Variants in ASCC3 observed in about 807,000 individuals in gnomAD.
ASCC3 encodes activating signal cointegrator 1 complex subunit 3.
In ASCC3, 158 loss-of-function variants were observed where a neutral mutation model predicts 256.3. The observed-to-expected ratio is 0.62, with a 90% confidence interval of 0.54 to 0.70. ASCC3 has a LOEUF of 0.70. ASCC3 is among the 30% of genes least tolerant of loss of function. The pLI, the probability that ASCC3 is intolerant of heterozygous loss-of-function variation, is 0.00. For synonymous variants in ASCC3, 948 were observed against 883.4 expected (o/e 1.07, Z -1.30); for missense variants, 2,259 against 2,626.0 (o/e 0.86, Z 3.05).
At chr6:100,599,428 A>G (rs919218973) in intron 34 of ASCC3, among the ~76,000 whole-genome samples, 13 of 152,190 alleles carry the variant, frequency 8.5e-5, no homozygotes, top group African/African-American at 2.9e-4. Context: ...AGAGTGAACT[A>G]GACAGGGCAA....
At chr6:100,815,075 GGATACAA>G (rs1167305161) in intron 4 of ASCC3, among the ~76,000 whole-genome samples, 1 of 151,812 alleles carries the variant, frequency 6.6e-6, no homozygotes, top group Non-Finnish European at 1.5e-5. Flanking sequence ...GAAAGTCTCA[GGATACAA>G]AATAAACATA....
At chr6:100,601,988 C>G in intron 33 of ASCC3, 53 bp from the exon 34 acceptor site, 1 of 1,586,896 alleles carries the variant, frequency 6.3e-7, no homozygotes, top group Non-Finnish European at 8.6e-7. Context: ...ACTAAAAACA[C>G]TGAAATTTAT....
At chr6:100,573,913 C>T (rs180819317) in intron 36 of ASCC3, among the ~76,000 whole-genome samples, 6 of 152,140 alleles carry the variant, frequency 3.9e-5, no homozygotes, top group Admixed American at 3.3e-4. Context: ...TTCTTATATG[C>T]CCCGGGGAGC....
At chr6:100,879,459 G>C (rs1242460647) in intron 1 of ASCC3, among the ~76,000 whole-genome samples, 3 of 152,158 alleles carry the variant, frequency 2.0e-5, no homozygotes, top group Non-Finnish European at 2.9e-5. Context: ...GAAGCTACTA[G>C]GAGCAGCCAG....
intron 34 of ASCC3, among the ~76,000 whole-genome samples, chr6:100,590,552 C>A (rs1006577909): frequency 2.0e-5 from 3 of 152,074 alleles, no homozygotes; most frequent in Non-Finnish European, 4.4e-5. Context: ...TAGGTGAACC[C>A]TATATCCTAG....
intron 30 of ASCC3, among the ~76,000 whole-genome samples, chr6:100,623,580 G>A (rs190145889): frequency 5.3e-5 from 8 of 152,228 alleles, no homozygotes; most frequent in Admixed American, 1.3e-4. Context: ...TACTGATGCC[G>A]AACAGCACTG....
chr6:100,546,552 A>G (rs2114675767), intron 36 of ASCC3, among the ~76,000 whole-genome samples: 1 of 152,322 alleles, frequency 6.6e-6, no homozygotes, highest in East Asian at 1.9e-4. Context: ...TGCATGTAGG[A>G]CAACTCAGAA....
Position 100,848,380 on chromosome 6 carries a change from T to C in ASCC3, c.569A>G (p.Lys190Arg). The stretch of plus-strand genomic sequence containing the variant: ...CTTCTTATAATCTAGGCTTATAGTT[T>C]TCTGAGTTTCACCATTTATTGGCAG... ...DELPINGETQ[K>R]TISLDYKKFL... Residue 190 changes from lysine (K) to arginine (R), a missense_variant, in exon 4 of 42, where the codon AAA becomes AGA. Physicochemically the swap from Lys to Arg is conservative, Grantham distance 26. Around this residue, in one of 2 missense-constraint regions of ASCC3, gnomAD observed 420 missense variants for 419.3 expected, o/e 1.00. Coordinates refer to ENST00000369162, the MANE Select transcript of ASCC3 (RefSeq NM_006828.4). The C allele has an allele frequency of 6.2e-7, 1 of 1,613,890 alleles. No homozygotes were observed. The highest frequency in any genetic ancestry group is 1.3e-5 in the African/African-American group (1 of 75,022).
At chr6:100,793,573 C>G (rs914506025) in intron 8 of ASCC3, among the ~76,000 whole-genome samples, 3 of 151,820 alleles carry the variant, frequency 2.0e-5, no homozygotes, top group African/African-American at 4.8e-5. Context: ...AATTTACAGA[C>G]ATCATAGCAA....
At chr6:100,675,288 T>C (rs1562217651) in intron 14 of ASCC3, among the ~76,000 whole-genome samples, 1 of 152,080 alleles carries the variant, frequency 6.6e-6, no homozygotes, top group Non-Finnish European at 1.5e-5. Context: ...TCTGTGAAGA[T>C]GATATTTTGC....
At chr6:100,555,616 A>C (rs1452346281) in intron 36 of ASCC3, among the ~76,000 whole-genome samples, 2 of 152,176 alleles carry the variant, frequency 1.3e-5, no homozygotes, top group African/African-American at 4.8e-5. Context: ...TTTATAGCTA[A>C]GTCCTTAAAA....
chr6:100,510,971 T>C (rs917864893), intron 40 of ASCC3, among the ~76,000 whole-genome samples: 2 of 152,126 alleles, frequency 1.3e-5, no homozygotes, highest in African/African-American at 4.8e-5. Context: ...GAAACAAAAA[T>C]TAAGAGATTT....
At chr6:100,756,887 T>C (rs1781205925) in intron 10 of ASCC3, among the ~76,000 whole-genome samples, 1 of 152,100 alleles carries the variant, frequency 6.6e-6, no homozygotes, top group Non-Finnish European at 1.5e-5. Context: ...TAATACAAGA[T>C]ATCTGGAAAT....
chr6:100,829,908 A>G (rs1050253461), intron 4 of ASCC3, among the ~76,000 whole-genome samples: 1 of 152,096 alleles, frequency 6.6e-6, no homozygotes, highest in African/African-American at 2.4e-5. Flanking sequence ...AGGGTTACTG[A>G]ACACAGTCAC....
At chr6:100,845,272 A>G (rs1254674770) in intron 4 of ASCC3, among the ~76,000 whole-genome samples, 2 of 152,206 alleles carry the variant, frequency 1.3e-5, no homozygotes, top group East Asian at 1.9e-4. Context: ...ACCTGCCACC[A>G]GAGAGCAATA....
At chr6:100,760,783 C>A (rs1028795419) in intron 10 of ASCC3, among the ~76,000 whole-genome samples, 1 of 152,120 alleles carries the variant, frequency 6.6e-6, no homozygotes, top group Non-Finnish European at 1.5e-5. Flanking sequence ...CCAGACAGAA[C>A]AGCAGAGCGA....
intron 36 of ASCC3, among the ~76,000 whole-genome samples, chr6:100,587,413 A>G (rs1406707076): frequency 6.6e-6 from 1 of 152,224 alleles, no homozygotes; most frequent in Non-Finnish European, 1.5e-5. Context: ...GTAGCTACAC[A>G]TAGTGTTCAA....
At position 100,509,843 on chromosome 6, in the gene ASCC3, G is replaced by T; in HGVS notation, c.6461+89C>A. The T allele has an allele frequency of 3.1e-6, 4 of 1,301,152 alleles. No homozygotes were observed. The South Asian group carries it at 3.8e-5, about 12-fold the overall frequency. The allele number at this position is 1,301,152 out of a possible 1,614,324, so 80.6% of individuals were successfully genotyped here. A position where few individuals can be genotyped will look rare whatever the true frequency, so the allele number is the denominator to read the frequency against. On this transcript the variant is annotated intron_variant, in intron 41 of 41. Transcript: ENST00000369162. ...GCGGAGCTTGCAGTGAGCAGAGATC[G>T]CGCCACTGCACTCCAGCCTGGGCGA...
chr6:100,709,041 A>C (rs1253688967), intron 13 of ASCC3, among the ~76,000 whole-genome samples: 17 of 151,980 alleles, frequency 1.1e-4, no homozygotes, highest in Non-Finnish European at 1.5e-5. Flanking sequence ...TGGCAAACAT[A>C]CATTAGATCA....
Sources: allele counts gnomAD v4.1 joint callset (sites outside exome capture counted in the v4.1 genomes callset), GRCh38; gene constraint gnomAD v4.1.1; regional missense constraint gnomAD v4.1.1; transcripts MANE v1.5; gene names NCBI Gene and HGNC (gene_info 2026-07-23, HGNC 2026-07-21).